Variants in ANO10 observed in about 807,000 individuals in gnomAD.
ANO10 encodes anoctamin 10.
ANO10 carries 77 observed loss-of-function variants against 74.7 expected under a neutral mutation model. The ratio of observed to expected loss-of-function variants is 1.03; its 90% CI spans 0.86 to 1.25. The LOEUF (loss-of-function observed/expected upper bound fraction) is 1.25. Among genes scored for constraint, ANO10 ranks in the 50% most tolerant of loss-of-function variants. ANO10 has a pLI of 0.00. For synonymous variants in ANO10, 279 were observed against 284.9 expected (o/e 0.98, Z 0.21); for missense variants, 721 against 778.1 (o/e 0.93, Z 0.87).
intron 5 of ANO10, 57 bp downstream of exon 5, chr3:43,580,296 C>A (rs527484493): frequency 6.2e-7 from 1 of 1,610,104 alleles, no homozygotes; most frequent in Admixed American, 1.7e-5. Context: ...ACTGCTAGAT[C>A]GTAACTTTTC....
intron 2 of ANO10, among the ~76,000 whole-genome samples, chr3:43,603,160 T>C (rs888702888): frequency 6.6e-6 from 1 of 152,192 alleles, no homozygotes; most frequent in African/African-American, 2.4e-5. Flanking sequence ...GTTTATTATG[T>C]ACCTATCTAT....
intron 1 of ANO10, among the ~76,000 whole-genome samples, chr3:43,683,771 TACCAC>T (rs1420488188): frequency 2.0e-5 from 3 of 151,880 alleles, no homozygotes; most frequent in African/African-American, 7.3e-5. Context: ...TCAGAAATAA[TACCAC>T]ACATCTACAA....
At chr3:43,679,145 C>T (rs1313877433) in intron 1 of ANO10, among the ~76,000 whole-genome samples, 7 of 152,276 alleles carry the variant, frequency 4.6e-5, no homozygotes, top group Admixed American at 6.5e-5. Context: ...GGCGAGGCAT[C>T]GCCTCACCTG....
chr3:43,551,478 AACC>A (rs1358213844), intron 10 of ANO10: 2 of 456,666 alleles, frequency 4.4e-6, no homozygotes, highest in East Asian at 6.9e-5. Context: ...TTACCTGTGA[AACC>A]ACCACCACCA....
intron 1 of ANO10, among the ~76,000 whole-genome samples, chr3:43,682,589 C>T (rs1259748123): frequency 6.6e-6 from 1 of 152,286 alleles, no homozygotes; most frequent in East Asian, 1.9e-4. Context: ...ATGAGGCCAG[C>T]ATCATCCTGA....
chr3:43,414,189 G>A (rs1014349517), intron 12 of ANO10, among the ~76,000 whole-genome samples: 1 of 152,092 alleles, frequency 6.6e-6, no homozygotes, highest in Non-Finnish European at 1.5e-5. Context: ...CAAAAAGAAG[G>A]GCGTTCAGAT....
chr3:43,591,471 G>A (rs889495518), intron 4 of ANO10, among the ~76,000 whole-genome samples: 1 of 152,134 alleles, frequency 6.6e-6, no homozygotes, highest in African/African-American at 2.4e-5. Flanking sequence ...TGGAATCCGT[G>A]AGGCTCCCCA....
At chr3:43,601,619 A>C (rs2082339738) in intron 2 of ANO10, among the ~76,000 whole-genome samples, 1 of 152,242 alleles carries the variant, frequency 6.6e-6, no homozygotes, top group Non-Finnish European at 1.5e-5. Context: ...TCTTTTATCA[A>C]ATGGATTAAT....
intron 11 of ANO10, among the ~76,000 whole-genome samples, chr3:43,438,266 TAC>T (rs2093103444): frequency 6.6e-6 from 1 of 151,922 alleles, no homozygotes; most frequent in Non-Finnish European, 1.5e-5. Flanking sequence ...ACCTTATCTC[TAC>T]AAAAATAAAA....
chr3:43,656,816 C>T (rs1264886994), intron 1 of ANO10, among the ~76,000 whole-genome samples: 1 of 152,250 alleles, frequency 6.6e-6, no homozygotes, highest in East Asian at 1.9e-4. Context: ...TCCCTCCACA[C>T]CTCCCTGCAA....
At position 43,464,194 on chromosome 3, in the gene ANO10, G is replaced by GA. The variant is rs761112018; in HGVS notation, c.1798-31468dup. 7.6e-3 allele frequency among the ~76,000 whole-genome samples: 1,138 copies of GA among 149,682 alleles called. 7 individuals are homozygous for GA. Among genetic ancestry groups the GA allele is most frequent in the Non-Finnish European group, 0.013 (881 of 67,370 alleles). ...CATCAATCCTACACAGCCTCTCTCT[G>GA]AAAAAAAAAGGAGGGGACATTCATG... is the stretch of plus-strand genomic sequence containing the variant. On this transcript the variant is annotated intron_variant, in intron 11 of 12. Coordinates refer to ENST00000292246, the MANE Select transcript of ANO10 (RefSeq NM_018075.5).
intron 1 of ANO10, among the ~76,000 whole-genome samples, chr3:43,641,509 A>C (rs972732183): frequency 2.0e-5 from 3 of 152,194 alleles, no homozygotes; most frequent in Non-Finnish European, 4.4e-5. Context: ...TGCAACATCC[A>C]TTGCCACACC....
At chr3:43,387,571 C>T (rs2092158566) in intron 12 of ANO10, among the ~76,000 whole-genome samples, 1 of 152,100 alleles carries the variant, frequency 6.6e-6, no homozygotes, top group Non-Finnish European at 1.5e-5. Flanking sequence ...TTCCATTTTT[C>T]CCCAGATATT....
chr3:43,682,165 A>C (rs1171633012), intron 1 of ANO10, among the ~76,000 whole-genome samples: 1 of 152,216 alleles, frequency 6.6e-6, no homozygotes, highest in Non-Finnish European at 1.5e-5. Flanking sequence ...AAGATCAACA[A>C]AATTGATAGA....
chr3:43,585,581 C>T (rs2081443497), intron 4 of ANO10, among the ~76,000 whole-genome samples: 1 of 152,210 alleles, frequency 6.6e-6, no homozygotes, highest in Admixed American at 6.5e-5. Context: ...AGAGCACACA[C>T]ACTCTTTTCT....
At chr3:43,424,703 A>C (rs2092872144) in intron 12 of ANO10, 1 of 151,430 alleles carries the variant, frequency 6.6e-6, no homozygotes, top group Non-Finnish European at 1.5e-5. Context: ...TCCTTGAAAA[A>C]CTCTAGTCTG....
intron 4 of ANO10, among the ~76,000 whole-genome samples, chr3:43,591,349 G>T (rs752959578): frequency 2.0e-5 from 3 of 152,148 alleles, no homozygotes; most frequent in Non-Finnish European, 2.9e-5. Flanking sequence ...AAGTGCCCAG[G>T]TTCATCCTAA....
chr3:43,561,463 T>C, intron 8 of ANO10, 61 bp from the exon 9 acceptor site: 1 of 1,376,498 alleles, frequency 7.3e-7, no homozygotes, highest in Non-Finnish European at 1.0e-6. Flanking sequence ...ATAGCATTTG[T>C]ATAAATTATA....
intron 1 of ANO10, 82 bp from the exon 2 acceptor site, chr3:43,605,945 A>G (rs557593173): frequency 2.1e-4 from 305 of 1,474,864 alleles, no homozygotes; most frequent in Non-Finnish European, 2.5e-4. Context: ...TTTTCTCCCA[A>G]TTATACCTAA....
Sources: gnomAD v4.1 joint callset for allele counts (sites outside exome capture counted in the v4.1 genomes callset) on GRCh38, gnomAD v4.1.1 for gene constraint, MANE v1.5 for transcripts, NCBI Gene and HGNC (gene_info 2026-07-23, HGNC 2026-07-21) for gene names.